Variants in ENOX1 observed in about 807,000 individuals in gnomAD.
The protein encoded by ENOX1 is ecto-NOX disulfide-thiol exchanger 1, also known as candidate growth-related and time keeping constitutive hydroquinone (NADH) oxidase.
A neutral mutation model predicts 82.5 loss-of-function variants in ENOX1; 42 were observed. That is an observed-to-expected ratio of 0.51 (90% confidence interval 0.40 to 0.66). The LOEUF (loss-of-function observed/expected upper bound fraction) is 0.66, where lower values mean the gene tolerates loss of function less well. Ranked by LOEUF, ENOX1 falls within the 30% of genes least tolerant of loss-of-function variation. The probability of loss-of-function intolerance (pLI) is 0.00; values close to 1 mark genes in which losing one functional copy is unlikely to be tolerated. For synonymous variants in ENOX1, 271 were observed against 282.2 expected, an observed-to-expected ratio of 0.96 and a Z score of 0.40; for missense variants, 608 against 811.6, an observed-to-expected ratio of 0.75 and a Z score of 3.05.
chr13:43,616,925 A>AAT (rs1566644467), intron 2 of ENOX1, among the ~76,000 whole-genome samples: 1 of 151,466 alleles, frequency 6.6e-6, no homozygotes, highest in East Asian at 1.9e-4. Context: ...AAAACAAGTA[A>AAT]ACACACACAC....
chr13:43,412,173 A>T (rs1192569684), intron 4 of ENOX1, 120 bp from the exon 5 acceptor site: 1 of 1,086,958 alleles, frequency 9.2e-7, no homozygotes, highest in African/African-American at 1.6e-5. Flanking sequence ...CAAAAAAAAA[A>T]TAAAGAACTA....
chr13:43,710,857 A>T (rs2087644659), intron 1 of ENOX1, among the ~76,000 whole-genome samples: 1 of 149,586 alleles, frequency 6.7e-6, no homozygotes, highest in Non-Finnish European at 1.5e-5. Flanking sequence ...TAGCATCCAC[A>T]ATAAAAGAAA....
At chr13:43,237,192 T>C (rs2042589166) in intron 14 of ENOX1, among the ~76,000 whole-genome samples, 1 of 152,302 alleles carries the variant, frequency 6.6e-6, no homozygotes, top group Non-Finnish European at 1.5e-5. Context: ...GTTAGAAGTG[T>C]TTTTAAATTG....
intron 3 of ENOX1, among the ~76,000 whole-genome samples, chr13:43,481,411 G>T (rs2058504001): frequency 6.6e-6 from 1 of 152,064 alleles, no homozygotes; most frequent in Admixed American, 6.6e-5. Flanking sequence ...CCACAAAAGT[G>T]TAAGAACTTA....
At chr13:43,705,612 G>A (rs1354651235) in intron 1 of ENOX1, among the ~76,000 whole-genome samples, 3 of 151,988 alleles carry the variant, frequency 2.0e-5, no homozygotes, top group Non-Finnish European at 4.4e-5. Context: ...ACAAGGGGGT[G>A]TTACTATAGA....
intron 3 of ENOX1, among the ~76,000 whole-genome samples, chr13:43,452,147 G>A (rs2057001724): frequency 6.6e-6 from 1 of 152,042 alleles, no homozygotes; most frequent in Non-Finnish European, 1.5e-5. Flanking sequence ...TATACTTTAA[G>A]TTCTGGGGTA....
rs550186013 is a variant in ENOX1 at position 43,654,626 on chromosome 13, G to A, written c.-219+12853C>T. ...TTAAATAATGCTACTGCTTTGCAGT[G>A]CAGAATTTACTGGAAGATTTCCTTC... is the stretch of plus-strand genomic sequence containing the variant. On this transcript the variant is annotated intron_variant, in intron 2 of 16. Coordinates refer to ENST00000690772, the MANE Select transcript of ENOX1 (RefSeq NM_001347969.2). Among the ~76,000 whole-genome samples, 16 of 152,328 alleles carry A rather than the reference G, an allele frequency of 1.1e-4. No homozygotes were observed. In the East Asian group the frequency reaches 2.9e-3, roughly 28 times the overall value.
At chr13:43,596,765 T>G (rs2081492825) in intron 2 of ENOX1, among the ~76,000 whole-genome samples, 1 of 152,230 alleles carries the variant, frequency 6.6e-6, no homozygotes, top group African/African-American at 2.4e-5. Context: ...AAACTACCTG[T>G]AGTTAGTATT....
chr13:43,342,430 G>GCC (rs1305437724), intron 9 of ENOX1, among the ~76,000 whole-genome samples: 2 of 152,178 alleles, frequency 1.3e-5, no homozygotes, highest in African/African-American at 4.8e-5. Context: ...GGAAAAACCA[G>GCC]AAGAGGAGCA....
chr13:43,299,588 C>T (rs1424977286), intron 11 of ENOX1, among the ~76,000 whole-genome samples: 1 of 152,168 alleles, frequency 6.6e-6, no homozygotes, highest in Non-Finnish European at 1.5e-5. Flanking sequence ...AGGCTGCAGG[C>T]TCCAGAGTCT....
chr13:43,223,955 G>T (rs1278553838), intron 16 of ENOX1, 98 bp downstream of exon 16: 3 of 866,762 alleles, frequency 3.5e-6, no homozygotes, highest in Non-Finnish European at 5.7e-6. Context: ...CCCATAGGCT[G>T]CTACAGCCCT....
rs1342668711 is a variant in ENOX1 at position 43,736,262 on chromosome 13, T to C, written c.-285+50390A>G. ...ATTATGACAAGAAAATTATCAAAAA[T>C]TGTCAACAAATGAAACATGGTAGTT... On this transcript the variant is annotated intron_variant, in intron 1 of 16. Coordinates refer to ENST00000690772, the MANE Select transcript of ENOX1 (RefSeq NM_001347969.2). 2.6e-5 allele frequency among the ~76,000 whole-genome samples: 4 copies of C among 152,212 alleles called. No individual in the cohort carries two copies. In the South Asian group the frequency reaches 6.2e-4, roughly 24 times the overall value.
intron 1 of ENOX1, among the ~76,000 whole-genome samples, chr13:43,670,072 C>A (rs573342922): frequency 1.3e-5 from 2 of 152,258 alleles, no homozygotes; most frequent in Non-Finnish European, 2.9e-5. Flanking sequence ...CGCTTCATTA[C>A]CAGTAAGAGC....
chr13:43,485,770 A>G (rs190839577), intron 2 of ENOX1, among the ~76,000 whole-genome samples: 464 of 152,346 alleles, frequency 3.0e-3, no homozygotes, highest in African/African-American at 9.4e-3. Flanking sequence ...TGTTTACTTC[A>G]TACCACTCAG....
rs1312983530 is a variant in ENOX1 at position 43,460,793 on chromosome 13, C to CAA, written c.-75+23214_-75+23215dup. Among the ~76,000 whole-genome samples the CAA allele has an allele frequency of 5.2e-3, 133 of 25,722 alleles. 16 individuals carry two copies. Among genetic ancestry groups the CAA allele is most frequent in the East Asian group, 6.4e-3 (6 of 934 alleles). 16.9% of individuals were successfully genotyped at this position (25,722 alleles called of 152,430 possible). A position where few individuals can be genotyped will look rare whatever the true frequency, so the allele number is the denominator to read the frequency against. ...CGGGCGACAGAGCGAGACTCCATCTCAAAAAAAAAAAAAAAAAAAAAAAAA... is the reference window on the plus strand; with the variant it reads ...CGGGCGACAGAGCGAGACTCCATCTCAAAAAAAAAAAAAAAAAAAAAAAAAAA... On this transcript the variant is annotated intron_variant, in intron 3 of 16. Coordinates refer to ENST00000690772, the MANE Select transcript of ENOX1 (RefSeq NM_001347969.2).
intron 15 of ENOX1, among the ~76,000 whole-genome samples, chr13:43,227,791 T>C (rs906619863): frequency 1.4e-4 from 21 of 152,272 alleles, no homozygotes; most frequent in African/African-American, 5.1e-4. Flanking sequence ...GTTCAGCAAT[T>C]GCCACTAGAT....
intron 1 of ENOX1, among the ~76,000 whole-genome samples, chr13:43,724,947 A>T (rs571981468): frequency 6.6e-6 from 1 of 152,302 alleles, no homozygotes; most frequent in Admixed American, 6.5e-5. Flanking sequence ...AAGAAAGAGT[A>T]TCTAACTCTC....
intron 2 of ENOX1, among the ~76,000 whole-genome samples, chr13:43,634,319 C>T (rs1211170779): frequency 1.1e-4 from 16 of 152,152 alleles, no homozygotes; most frequent in Non-Finnish European, 1.5e-5. Flanking sequence ...AGGAAAGCCA[C>T]AATACATGCA....
intron 3 of ENOX1, among the ~76,000 whole-genome samples, chr13:43,437,461 T>C (rs1435674650): frequency 6.6e-6 from 1 of 152,172 alleles, no homozygotes. Flanking sequence ...GATTCAATCA[T>C]TTGACCTTGA....
Sources: gnomAD v4.1 joint callset for allele counts (sites outside exome capture counted in the v4.1 genomes callset) on GRCh38, gnomAD v4.1.1 for gene constraint, MANE v1.5 for transcripts, NCBI Gene and HGNC (gene_info 2026-07-23, HGNC 2026-07-21) for gene names.